PRELID2: variants seen among roughly 807,000 people sequenced by gnomAD.
PRELID2 encodes the protein PRELI domain containing 2, also known as PRELI domain-containing protein 2.
In PRELID2, 25 loss-of-function variants were observed where a neutral mutation model predicts 28.4. The observed-to-expected ratio is 0.88, with a 90% CI of 0.64 to 1.23. The LOEUF is 1.23. Ranked by LOEUF, PRELID2 falls within the 50% of genes most tolerant of loss-of-function variation. The pLI, the probability that PRELID2 is intolerant of heterozygous loss-of-function variation, is 0.00. For missense variants in PRELID2, 201 were observed against 214.4 expected (o/e 0.94, Z 0.39); for synonymous variants, 76 against 71.6 (o/e 1.06, Z -0.31).
chr5:145,250,124 G>T, the PRELID2 span, among the ~76,000 whole-genome samples: 1 of 152,022 alleles, frequency 6.6e-6, no homozygotes, highest in Non-Finnish European at 1.5e-5. Flanking sequence ...ATTGGATAAG[G>T]TTTTGTGTTC....
At chr5:145,650,870 G>T (rs1305074487) in intron 1 of PRELID2, among the ~76,000 whole-genome samples, 2 of 152,084 alleles carry the variant, frequency 1.3e-5, no homozygotes, top group African/African-American at 4.8e-5. Context: ...TCCAACTGAG[G>T]TACTGGGTTC....
At chr5:145,701,911 C>T (rs112336452) in intron 1 of PRELID2, among the ~76,000 whole-genome samples, 3,004 of 151,980 alleles carry the variant, frequency 0.02, 116 homozygotes, top group African/African-American at 0.069. Flanking sequence ...ATTAGCCGGG[C>T]GTGGTGGCAC....
chr5:145,415,789 T>C, the PRELID2 span, among the ~76,000 whole-genome samples: 3 of 152,054 alleles, frequency 2.0e-5, no homozygotes, highest in African/African-American at 7.2e-5. Flanking sequence ...CCTTTGGGTA[T>C]ATACCCACTA....
At chr5:145,467,544 T>C (rs77779448), downstream of PRELID2, among the ~76,000 whole-genome samples, 2,225 of 152,280 alleles carry the variant, frequency 0.015, 31 homozygotes, top group African/African-American at 0.037. Context: ...AGCTAATATA[T>C]ATTTAGTATC....
intron 1 of PRELID2, among the ~76,000 whole-genome samples, chr5:145,564,773 C>T (rs536645975): frequency 3.3e-5 from 5 of 152,106 alleles, no homozygotes; most frequent in African/African-American, 7.2e-5. Flanking sequence ...TAAAAGATAA[C>T]CCCCCTTTCC....
chr5:145,549,537 C>T (rs1457979461), intron 1 of PRELID2, among the ~76,000 whole-genome samples: 1 of 152,112 alleles, frequency 6.6e-6, no homozygotes, highest in Non-Finnish European at 1.5e-5. Context: ...GTGCTGTAAT[C>T]CCAGCACTTT....
chr5:145,319,143 T>G, the PRELID2 span, among the ~76,000 whole-genome samples: 1 of 152,028 alleles, frequency 6.6e-6, no homozygotes, highest in Non-Finnish European at 1.5e-5. Context: ...AAGGCAACAT[T>G]TGGGTGTGAA....
rs140635419 is a variant in PRELID2, at chr5:145,680,249, G to A, written n.70+84682C>T. Among the ~76,000 whole-genome samples the A allele has an allele frequency of 3.6e-4, 55 of 152,288 alleles. 1 individual carries two copies. Among genetic ancestry groups the A allele is most frequent in the Admixed American group, 8.5e-4 (13 of 15,298 alleles). ...ATGATTCTGCTTCTTAACCAAACTT[G>A]GGAGCCAGTGATTTATGTGAAAAGT... On this transcript the variant is annotated intron_variant and non_coding_transcript_variant, in intron 1 of 2. Coordinates refer to the PRELID2 transcript ENST00000510259.
the PRELID2 span, among the ~76,000 whole-genome samples, chr5:145,402,745 A>T: frequency 1.8e-4 from 28 of 152,198 alleles, no homozygotes; most frequent in Non-Finnish European, 2.8e-4. Flanking sequence ...GCCATATGTG[A>T]GTTGACACTG....
At chr5:145,629,195 G>C (rs1753898454) in intron 1 of PRELID2, among the ~76,000 whole-genome samples, 1 of 152,180 alleles carries the variant, frequency 6.6e-6, no homozygotes, top group African/African-American at 2.4e-5. Flanking sequence ...TGGGAGAACA[G>C]GGTTGTGACT....
chr5:145,522,266 C>T (rs1752568988), intron 1 of PRELID2, among the ~76,000 whole-genome samples: 1 of 152,126 alleles, frequency 6.6e-6, no homozygotes, highest in South Asian at 2.1e-4. Context: ...TTTTTACATG[C>T]ATATAAATAC....
At chr5:145,416,426 T>C in the PRELID2 span, among the ~76,000 whole-genome samples, 19 of 151,950 alleles carry the variant, frequency 1.3e-4, no homozygotes, top group African/African-American at 4.4e-4. Flanking sequence ...TGGGATCTAA[T>C]TAAACTAAAG....
chr5:145,619,709 C>G (rs891540846), intron 1 of PRELID2, among the ~76,000 whole-genome samples: 4 of 152,174 alleles, frequency 2.6e-5, no homozygotes, highest in African/African-American at 7.2e-5. Context: ...TGCAATCTAG[C>G]CCTGCCTCGC....
chr5:145,662,986 C>A (rs1754523531), intron 1 of PRELID2, among the ~76,000 whole-genome samples: 1 of 152,084 alleles, frequency 6.6e-6, no homozygotes, highest in African/African-American at 2.4e-5. Flanking sequence ...GCTTCTCATT[C>A]TTTTTTAGGT....
chr5:145,229,430 G>C, the PRELID2 span: 1 of 782,658 alleles, frequency 1.3e-6, no homozygotes, highest in Non-Finnish European at 2.3e-6. Context: ...AGTGCCTCCA[G>C]GTCTCTACAC....
chr5:145,695,923 G>C (rs1561547028), intron 1 of PRELID2, among the ~76,000 whole-genome samples: 1 of 152,070 alleles, frequency 6.6e-6, no homozygotes, highest in Admixed American at 6.6e-5. Context: ...AAATATCAGA[G>C]GGGGGAGAAT....
intron 1 of PRELID2, among the ~76,000 whole-genome samples, chr5:145,676,475 G>C (rs1033112633): frequency 6.6e-6 from 1 of 152,110 alleles, no homozygotes; most frequent in African/African-American, 2.4e-5. Flanking sequence ...GGAGGTGGAG[G>C]TTGCAGTGAG....
At chr5:145,404,938 GT>G in the PRELID2 span, among the ~76,000 whole-genome samples, 1 of 152,140 alleles carries the variant, frequency 6.6e-6, no homozygotes, top group African/African-American at 2.4e-5. Context: ...AAGGCAGGAT[GT>G]GGGCAGGTAA....
At chr5:145,468,437 T>G (rs1319859879), downstream of PRELID2, among the ~76,000 whole-genome samples, 1 of 152,184 alleles carries the variant, frequency 6.6e-6, no homozygotes, top group Non-Finnish European at 1.5e-5. Context: ...TACCCAGTAA[T>G]TGGATGGCTG....
Sources: gnomAD v4.1 joint callset for allele counts (sites outside exome capture counted in the v4.1 genomes callset) on GRCh38, gnomAD v4.1.1 for gene constraint, MANE v1.5 for transcripts, NCBI Gene and HGNC (gene_info 2026-07-23, HGNC 2026-07-21) for gene names.